The following MACROD2 variants were observed in gnomAD, a reference collection of about 807,000 sequenced individuals.
MACROD2 encodes the protein mono-ADP ribosylhydrolase 2, also known as ADP-ribose glycohydrolase MACROD2.
Under a neutral mutation model 70.4 loss-of-function variants are expected in MACROD2, and 36 were observed. The ratio of observed to expected loss-of-function variants is 0.51; its 90% confidence interval spans 0.39 to 0.68. MACROD2 has a LOEUF of 0.68. Among genes scored for constraint, MACROD2 ranks in the 30% least tolerant of loss-of-function variants. MACROD2 has a pLI of 0.00. For synonymous variants in MACROD2, 172 were observed against 178.8 expected (o/e 0.96, Z 0.30); for missense variants, 496 against 538.4 (o/e 0.92, Z 0.78).
chr20:14,634,012 C>T (rs988137042), intron 4 of MACROD2, among the ~76,000 whole-genome samples: 8 of 152,116 alleles, frequency 5.3e-5, no homozygotes, highest in African/African-American at 9.7e-5. Flanking sequence ...TATTTTGTAG[C>T]GTTATTTCTG....
At chr20:14,082,184 T>TC (rs938249474) in intron 2 of MACROD2, among the ~76,000 whole-genome samples, 9 of 129,970 alleles carry the variant, frequency 6.9e-5, no homozygotes, top group African/African-American at 8.9e-5. Flanking sequence ...TTTCTTTTTT[T>TC]TTTTTTTTTT....
chr20:15,915,945 C>T (rs2147277652), intron 10 of MACROD2, among the ~76,000 whole-genome samples: 1 of 151,984 alleles, frequency 6.6e-6, no homozygotes, highest in Middle Eastern at 3.4e-3. Context: ...AATCAGTTTC[C>T]ATAAAAGAGG....
chr20:14,808,265 G>A (rs1266409277), intron 5 of MACROD2, among the ~76,000 whole-genome samples: 1 of 152,138 alleles, frequency 6.6e-6, no homozygotes, highest in Admixed American at 6.6e-5. Context: ...ACAGAAGAGA[G>A]TGGGGGTTGA....
intron 6 of MACROD2, among the ~76,000 whole-genome samples, chr20:15,335,768 C>A (rs111320200): frequency 2.0e-5 from 3 of 151,682 alleles, no homozygotes; most frequent in African/African-American, 4.9e-5. Flanking sequence ...GACACACATA[C>A]ACACACATAT....
chr20:15,261,778 G>A (rs561980281), intron 6 of MACROD2, among the ~76,000 whole-genome samples: 1 of 152,008 alleles, frequency 6.6e-6, no homozygotes, highest in Admixed American at 6.6e-5. Flanking sequence ...CTTGTTTATT[G>A]TATGCAAATA....
intron 3 of MACROD2, among the ~76,000 whole-genome samples, chr20:14,396,739 CGCGGTG>C (rs1330226830): frequency 6.6e-6 from 1 of 151,670 alleles, no homozygotes; most frequent in Non-Finnish European, 1.5e-5. Context: ...TCCTGCCTAA[CGCGGTG>C]AAACCCCGTC....
intron 5 of MACROD2, among the ~76,000 whole-genome samples, chr20:14,908,348 A>G (rs1415126956): frequency 2.0e-5 from 3 of 151,256 alleles, no homozygotes; most frequent in African/African-American, 7.3e-5. Context: ...CTCAAAAAAA[A>G]TAAATAAATA....
intron 5 of MACROD2, among the ~76,000 whole-genome samples, chr20:14,829,662 A>G (rs1740556563): frequency 6.6e-6 from 1 of 152,094 alleles, no homozygotes; most frequent in Non-Finnish European, 1.5e-5. Flanking sequence ...CTCTGGACAT[A>G]TTTTATCCAT....
intron 5 of MACROD2, among the ~76,000 whole-genome samples, chr20:15,153,754 G>A (rs113362091): frequency 1.3e-5 from 2 of 152,092 alleles, no homozygotes; most frequent in African/African-American, 4.8e-5. Context: ...GTCTCTATTG[G>A]GTGAGTAGGG....
chr20:15,806,644 T>C (rs1329079883), intron 8 of MACROD2, among the ~76,000 whole-genome samples: 1 of 152,200 alleles, frequency 6.6e-6, no homozygotes, highest in Non-Finnish European at 1.5e-5. Flanking sequence ...AAACTTCTTA[T>C]CAGACAATTA....
At chr20:14,597,785 A>T (rs1338750416) in intron 4 of MACROD2, among the ~76,000 whole-genome samples, 1 of 152,038 alleles carries the variant, frequency 6.6e-6, no homozygotes, top group Non-Finnish European at 1.5e-5. Context: ...TATAAATTTC[A>T]GATTTCCAAA....
intron 5 of MACROD2, among the ~76,000 whole-genome samples, chr20:14,980,791 T>G (rs1387067928): frequency 6.6e-6 from 1 of 152,194 alleles, no homozygotes; most frequent in Non-Finnish European, 1.5e-5. Context: ...AGGTGTTTTC[T>G]TGGTTCTCTC....
In MACROD2 at chr20:15,654,428, T is replaced by G. The variant is rs371662871; in HGVS notation, c.645+154581T>G. Among the ~76,000 whole-genome samples the G allele has an allele frequency of 6.8e-4, 103 of 152,288 alleles. 1 individual carries two copies. In the South Asian group the frequency reaches 0.018, roughly 27 times the overall value. On this transcript the variant is annotated intron_variant, in intron 8 of 17. Coordinates refer to ENST00000684519, the MANE Select transcript of MACROD2 (RefSeq NM_001351661.2). ...CCCAGAGGAGATGGGAGTTCAGAAG[T>G]CTACGTATTAGGTTGGTGCAAAAGT...
chr20:16,042,567 T>C (rs1362731203), intron 16 of MACROD2, among the ~76,000 whole-genome samples: 1 of 152,062 alleles, frequency 6.6e-6, no homozygotes, highest in Non-Finnish European at 1.5e-5. Flanking sequence ...TATTTGGTGA[T>C]GGGATGCTTT....
intron 5 of MACROD2, among the ~76,000 whole-genome samples, chr20:15,050,795 T>C (rs1230394380): frequency 1.4e-5 from 2 of 143,672 alleles, no homozygotes; most frequent in Admixed American, 1.4e-4. Context: ...AGGGAAGGTA[T>C]GTGAAAAAAA....
chr20:15,876,376 T>C (rs1452467614), intron 9 of MACROD2, among the ~76,000 whole-genome samples: 3 of 152,050 alleles, frequency 2.0e-5, no homozygotes, highest in Admixed American at 6.6e-5. Context: ...TGTTTTTTTG[T>C]CCTTGCGATA....
intron 11 of MACROD2, among the ~76,000 whole-genome samples, chr20:15,936,931 T>G (rs970398562): frequency 1.3e-5 from 2 of 152,080 alleles, no homozygotes; most frequent in Non-Finnish European, 2.9e-5. Context: ...CATTCTGTTC[T>G]TGGGTGACAT....
rs115297685 is a variant in MACROD2 at position 15,010,825 on chromosome 20, T to G, written c.419-219115T>G. Among the ~76,000 whole-genome samples, 698 of 152,314 alleles carry G rather than the reference T, an allele frequency of 4.6e-3. 5 individuals carry two copies. The highest frequency in any genetic ancestry group is 0.016 in the African/African-American group (650 of 41,576). On this transcript the variant is annotated intron_variant, in intron 5 of 17. Coordinates refer to ENST00000684519, the MANE Select transcript of MACROD2 (RefSeq NM_001351661.2). ...TCTAGTGCTATATCTGCCAATGTCT[T>G]GCTTGTATCAGGAGCTCTTAGAAAA...
chr20:14,457,361 G>C (rs1188901052), intron 3 of MACROD2, among the ~76,000 whole-genome samples: 1 of 152,076 alleles, frequency 6.6e-6, no homozygotes, highest in Non-Finnish European at 1.5e-5. Context: ...ATTTGGTCTA[G>C]ACTGTCTGAG....
Sources: allele counts gnomAD v4.1 joint callset (sites outside exome capture counted in the v4.1 genomes callset), GRCh38; gene constraint gnomAD v4.1.1; transcripts MANE v1.5; gene names NCBI Gene and HGNC (gene_info 2026-07-23, HGNC 2026-07-21).